CNBD1: variants seen among roughly 807,000 people sequenced by gnomAD.
CNBD1 encodes cyclic nucleotide-binding domain-containing protein 1.
CNBD1 carries 71 observed loss-of-function variants against 54.4 expected under a neutral mutation model. The ratio of observed to expected loss-of-function variants is 1.30; its 90% confidence interval spans 1.08 to 1.59. The LOEUF (loss-of-function observed/expected upper bound fraction) is 1.59, where lower values mean the gene tolerates loss of function less well. Ranked by LOEUF, CNBD1 falls within the 40% of genes most tolerant of loss-of-function variation. The pLI is 0.00. For missense variants in CNBD1, 659 were observed against 518.0 expected, an observed-to-expected ratio of 1.27 and a Z score of -2.64; for synonymous variants, 182 against 170.7, an observed-to-expected ratio of 1.07 and a Z score of -0.51.
At chr8:87,415,039 C>T (rs781569937) in intron 2 of CNBD1, among the ~76,000 whole-genome samples, 9 of 151,994 alleles carry the variant, frequency 5.9e-5, no homozygotes, top group Non-Finnish European at 1.3e-4. Context: ...CTGCTCAGTG[C>T]CATTTCTGCA....
rs76529639 is a variant in CNBD1 at position 87,313,113 on chromosome 8, T to C, written c.1042+26442T>C. On this transcript the variant is annotated intron_variant, in intron 8 of 10. Transcript: ENST00000518476. ...CAGAAAGATGGGCAAGGATTTTTAC[T>C]AAAATACCATATACCCAACTTCTGC... Among the ~76,000 whole-genome samples, 1,340 of 152,138 alleles carry C rather than the reference T, an allele frequency of 8.8e-3. 18 individuals carry two copies. The highest frequency in any genetic ancestry group is 0.031 in the African/African-American group (1,286 of 41,548).
chr8:87,244,181 G>A (rs1444895589), intron 6 of CNBD1, among the ~76,000 whole-genome samples: 1 of 152,052 alleles, frequency 6.6e-6, no homozygotes, highest in African/African-American at 2.4e-5. Context: ...CCAGAAAGGC[G>A]GGGACAACCT....
chr8:86,924,005 G>C (rs1294999155), intron 3 of CNBD1, among the ~76,000 whole-genome samples: 1 of 152,118 alleles, frequency 6.6e-6, no homozygotes, highest in Non-Finnish European at 1.5e-5. Flanking sequence ...AAAGTAGTAA[G>C]TTCCATTCAA....
chr8:87,364,196 T>C (rs1162911205), intron 10 of CNBD1, among the ~76,000 whole-genome samples: 1 of 151,580 alleles, frequency 6.6e-6, no homozygotes, highest in Non-Finnish European at 1.5e-5. Context: ...TCTCAAAAAA[T>C]ATTGTATATC....
At position 87,237,100 on chromosome 8, in the gene CNBD1, A is replaced by C. The variant is rs767108876; in HGVS notation, c.759A>C (p.Ser253=). ...NSTLAEMYLP[S]YDSMLSKWST... is the part of the protein sequence containing the mutation. ...CACTTGCTGAGATGTACCTACCTTC[A>C]TATGACTCAATGGTAAGAGATGAGT... The change falls in exon 6 of 11, where the codon TCA becomes TCC. Residue 253 remains serine (S), a synonymous_variant. Transcript: ENST00000518476. 1 of 1,602,900 alleles carries C rather than the reference A, an allele frequency of 6.2e-7. No individual in the cohort carries two copies. Among genetic ancestry groups the C allele is most frequent in the Admixed American group, 1.7e-5 (1 of 59,036 alleles).
chr8:87,335,682 T>C (rs1809931228), intron 8 of CNBD1, among the ~76,000 whole-genome samples: 1 of 152,148 alleles, frequency 6.6e-6, no homozygotes, highest in South Asian at 2.1e-4. Context: ...TGTCTTTTAA[T>C]TGGGCCATTT....
intron 6 of CNBD1, among the ~76,000 whole-genome samples, chr8:87,279,023 A>G (rs946137883): frequency 6.6e-6 from 1 of 151,390 alleles, no homozygotes; most frequent in Non-Finnish European, 1.5e-5. Flanking sequence ...CTAAATTTAT[A>G]ATTTTTCTAT....
chr8:87,337,263 C>A (rs1162339084), intron 8 of CNBD1, among the ~76,000 whole-genome samples: 2 of 152,156 alleles, frequency 1.3e-5, no homozygotes, highest in African/African-American at 2.4e-5. Flanking sequence ...GGGAAACACA[C>A]TCATCTGGGC....
intron 4 of CNBD1, among the ~76,000 whole-genome samples, chr8:87,112,253 A>G (rs141859165): frequency 6.6e-6 from 1 of 152,210 alleles, no homozygotes; most frequent in East Asian, 1.9e-4. Flanking sequence ...TCTAAGCATC[A>G]TTGCCAGGGC....
intron 2 of CNBD1, among the ~76,000 whole-genome samples, chr8:87,400,381 A>G (rs1807535601): frequency 1.3e-5 from 2 of 152,012 alleles, no homozygotes. Context: ...TGAATTCCTG[A>G]AAGACTACCA....
intron 4 of CNBD1, among the ~76,000 whole-genome samples, chr8:87,070,874 T>C (rs1198713987): frequency 6.6e-6 from 1 of 152,094 alleles, no homozygotes; most frequent in Non-Finnish European, 1.5e-5. Flanking sequence ...GTTTTCACCA[T>C]ATTAATAAGG....
At chr8:87,197,976 C>G (rs1203233196) in intron 4 of CNBD1, among the ~76,000 whole-genome samples, 4 of 152,126 alleles carry the variant, frequency 2.6e-5, no homozygotes, top group South Asian at 2.1e-4. Context: ...GAGTGCAGGA[C>G]TTTGAGAATG....
intron 4 of CNBD1, among the ~76,000 whole-genome samples, chr8:87,161,564 A>G (rs963364378): frequency 6.6e-6 from 1 of 152,172 alleles, no homozygotes; most frequent in Admixed American, 6.6e-5. Flanking sequence ...AAACAGAACA[A>G]TTAAGTACAC....
intron 4 of CNBD1, among the ~76,000 whole-genome samples, chr8:87,128,099 T>C (rs1812036751): frequency 1.3e-5 from 2 of 152,178 alleles, no homozygotes; most frequent in Admixed American, 6.5e-5. Context: ...CTCCATTACA[T>C]TTCCAGCTCC....
At chr8:87,205,638 A>T (rs1240280078) in intron 4 of CNBD1, among the ~76,000 whole-genome samples, 1 of 152,130 alleles carries the variant, frequency 6.6e-6, no homozygotes, top group Non-Finnish European at 1.5e-5. Context: ...TTAATATCTA[A>T]AAGAGGTCTT....
intron 8 of CNBD1, among the ~76,000 whole-genome samples, chr8:87,339,501 A>C (rs1048595468): frequency 6.6e-6 from 1 of 151,328 alleles, no homozygotes; most frequent in Non-Finnish European, 1.5e-5. Context: ...CACTTTTTTT[A>C]AGGATGTATG....
At chr8:87,180,625 C>G (rs551512770) in intron 4 of CNBD1, among the ~76,000 whole-genome samples, 1 of 151,960 alleles carries the variant, frequency 6.6e-6, no homozygotes, top group Non-Finnish European at 1.5e-5. Flanking sequence ...TAAAACAATA[C>G]CTATAATTTA....
At chr8:87,329,682 T>G (rs2130908784) in intron 8 of CNBD1, among the ~76,000 whole-genome samples, 1 of 152,180 alleles carries the variant, frequency 6.6e-6, no homozygotes, top group East Asian at 1.9e-4. Context: ...ATTATGTTTT[T>G]AATTTGAAAT....
chr8:87,395,486 C>T (rs1811392346), intron 2 of CNBD1, among the ~76,000 whole-genome samples: 1 of 151,674 alleles, frequency 6.6e-6, no homozygotes, highest in South Asian at 2.1e-4. Context: ...GAAAATGCTA[C>T]AATAAAGGTT....
Sources: allele counts gnomAD v4.1 joint callset (sites outside exome capture counted in the v4.1 genomes callset), GRCh38; gene constraint gnomAD v4.1.1; transcripts MANE v1.5; gene names NCBI Gene and HGNC (gene_info 2026-07-23, HGNC 2026-07-21).